NFATC1: variants seen among roughly 807,000 people sequenced by gnomAD.
NFATC1 encodes nuclear factor of activated T-cells, cytoplasmic 1.
NFATC1 carries 22 observed loss-of-function variants against 76.0 expected under a neutral mutation model. That is an observed-to-expected ratio of 0.29 (90% CI 0.21 to 0.41). The LOEUF (loss-of-function observed/expected upper bound fraction) is 0.41. NFATC1 is among the 10% of genes least tolerant of loss of function. The pLI is 1.00. For missense variants in NFATC1, 1,357 were observed against 1,337.7 expected, an observed-to-expected ratio of 1.01 and a Z score of -0.23; for synonymous variants, 704 against 613.1, an observed-to-expected ratio of 1.15 and a Z score of -2.19.
chr18:79,501,860 G>A (rs1014813264), intron 9 of NFATC1, among the ~76,000 whole-genome samples: 55 of 152,152 alleles, frequency 3.6e-4, no homozygotes, highest in African/African-American at 1.1e-3. Flanking sequence ...GGAAAGTTAA[G>A]ATCTAAATAA....
At position 79,486,340 on chromosome 18, in the gene NFATC1, T is replaced by C. The variant is rs752528024; in HGVS notation, c.2185T>C (p.Tyr729His). 6.2e-7 allele frequency: 1 copy of C among 1,612,974 alleles called. No homozygotes were observed. The highest frequency in any genetic ancestry group is 1.3e-5 in the African/African-American group (1 of 74,904). ...SQGLSPLPRP[Y>H]YSQQLAMPPD... is the part of the protein sequence containing the mutation. ...GGGGTTAAGTCCTCTCCCAAGACCA[T>C]ACTACAGCCAGCAGCTCGCGATGCC... Residue 729 changes from tyrosine to histidine, a missense_variant, in exon 9 of 10, where the codon TAC (tyrosine) becomes CAC (histidine). By Grantham distance (83) the Tyr-to-His change is moderately conservative (BLOSUM62 2). Coordinates refer to ENST00000427363, the MANE Select transcript of NFATC1 (RefSeq NM_001278669.2).
At chr18:79,510,140 G>A (rs1017983115) in intron 9 of NFATC1, among the ~76,000 whole-genome samples, 1 of 152,196 alleles carries the variant, frequency 6.6e-6, no homozygotes, top group Admixed American at 6.5e-5. Flanking sequence ...CCCCCCCCAA[G>A]GAGGAAATTC....
intron 3 of NFATC1, among the ~76,000 whole-genome samples, chr18:79,440,902 C>A (rs1256905572): frequency 6.6e-6 from 1 of 152,166 alleles, no homozygotes; most frequent in Admixed American, 6.5e-5. Context: ...CCAGGCCCTG[C>A]CCAGGCCAGA....
intron 2 of NFATC1, among the ~76,000 whole-genome samples, chr18:79,424,914 G>T (rs146271798): frequency 5.1e-4 from 36 of 71,116 alleles, no homozygotes; most frequent in East Asian, 7.2e-4. Flanking sequence ...TTTCTCTGTC[G>T]CTCTGTCTCT....
In NFATC1 at chr18:79,443,042, G is replaced by A. The variant is rs142405133; in HGVS notation, c.1387-5740G>A. Among the ~76,000 whole-genome samples the A allele has an allele frequency of 2.7e-4, 41 of 152,302 alleles. No individual in the cohort carries two copies. In the East Asian group the frequency reaches 5.6e-3, roughly 21 times the overall value. On this transcript the variant is annotated intron_variant, in intron 3 of 9. Transcript: ENST00000427363. ...GACTTATGTTGAAACAGCCCTTCCC[G>A]GTCAGGACTGAGCCTGTGGCTGAGT...
chr18:79,524,397 T>C lies in NFATC1; in HGVS notation c.2783-3131T>C, dbSNP rs1601019163. ...CTCCTCTGCGGTTCGGTTGCTGTGC[T>C]GTCCTCTGCTGAGTGGTGTCAGGGT... On this transcript the variant is annotated intron_variant, in intron 9 of 9. Transcript: ENST00000427363. The surrounding 1 kb of genome is among the most constrained non-coding windows in gnomAD (Gnocchi z 7.2). Among the ~76,000 whole-genome samples, 1 of 152,352 alleles carries C rather than the reference T, an allele frequency of 6.6e-6. No homozygotes were observed. Among genetic ancestry groups the C allele is most frequent in the East Asian group, 1.9e-4 (1 of 5,184 alleles).
chr18:79,512,794 A>G (rs560108505), intron 9 of NFATC1, among the ~76,000 whole-genome samples: 9 of 152,278 alleles, frequency 5.9e-5, no homozygotes, highest in African/African-American at 1.9e-4. Context: ...CAGCCCCTGT[A>G]TGTGTCAGGG....
At chr18:79,484,474 C>T (rs898279533) in intron 8 of NFATC1, among the ~76,000 whole-genome samples, 9 of 152,118 alleles carry the variant, frequency 5.9e-5, no homozygotes, top group Admixed American at 2.0e-4. Flanking sequence ...GTAGGGCGGA[C>T]GCTTTAAACC....
At chr18:79,417,115 ATGGTGGGAGATGGGCTG>A (rs1568934272) in intron 2 of NFATC1, among the ~76,000 whole-genome samples, 6 of 101,646 alleles carry the variant, frequency 5.9e-5, no homozygotes, top group African/African-American at 2.2e-4. Flanking sequence ...GAGATGGGCT[ATGGTGGGAGATGGGCTG>A]TGGCGGGAGA....
At chr18:79,481,053 C>G (rs2089254520) in intron 8 of NFATC1, among the ~76,000 whole-genome samples, 1 of 152,272 alleles carries the variant, frequency 6.6e-6, no homozygotes, top group South Asian at 2.1e-4. Flanking sequence ...ACCGGCGTCT[C>G]ACTCCCACAT....
chr18:79,400,916 T>G (rs1434263202), intron 1 of NFATC1, among the ~76,000 whole-genome samples: 1 of 5,472 alleles, frequency 1.8e-4, no homozygotes, highest in East Asian at 6.8e-3. Flanking sequence ...CTCCCGCCCC[T>G]GCCGCCGCCT....
intron 2 of NFATC1, among the ~76,000 whole-genome samples, chr18:79,426,920 G>C (rs1460504629): frequency 6.6e-6 from 1 of 152,242 alleles, no homozygotes; most frequent in East Asian, 1.9e-4. Context: ...TAACTCTCCA[G>C]ACTCATCAGG....
chr18:79,419,808 G>C (rs1201599751), intron 2 of NFATC1, among the ~76,000 whole-genome samples: 1 of 152,232 alleles, frequency 6.6e-6, no homozygotes, highest in African/African-American at 2.4e-5. Context: ...TCGGCAGCCG[G>C]GCAGCCGCAG....
intron 8 of NFATC1, among the ~76,000 whole-genome samples, chr18:79,485,867 T>C (rs116053107): frequency 7.9e-4 from 121 of 152,372 alleles, no homozygotes; most frequent in African/African-American, 2.8e-3. Flanking sequence ...GTTTACCAAA[T>C]GTGCAGACAT....
rs2085571442 is a variant in NFATC1 at position 79,409,351 on chromosome 18, TCC to T, written c.128-1051_128-1050del. On this transcript the variant is annotated intron_variant, in intron 1 of 9. Coordinates refer to ENST00000427363, the MANE Select transcript of NFATC1 (RefSeq NM_001278669.2). ...ATTCATTCATCCATCCATCCATCCA[TCC>T]ATCATCATTCATCCATCCATCCATC... 4.9e-5 allele frequency among the ~76,000 whole-genome samples: 7 copies of T among 142,542 alleles called. No individual in the cohort carries two copies. The Admixed American group carries it at 5.0e-4, about 10-fold the overall frequency. The allele number at this position is 142,542 out of a possible 152,430, so 93.5% of individuals were successfully genotyped here. A position where few individuals can be genotyped will look rare whatever the true frequency, so the allele number is the denominator to read the frequency against.
At position 79,410,946 on chromosome 18, in the gene NFATC1, G is replaced by A. The variant is rs763901789; in HGVS notation, c.671G>A (p.Gly224Glu). Residue 224 changes from glycine (G) to glutamate (E), a missense_variant, in exon 2 of 10, where the codon GGG (glycine) becomes GAG (glutamate). Around this residue, in one of 3 missense-constraint regions of NFATC1, gnomAD observed 691 missense variants for 613.1 expected, o/e 1.13. Transcript: ENST00000427363. This position sits in a 1 kb window ranked among gnomAD's most constrained non-coding sequence, Gnocchi z 6.7. ...TTDPEEGFPR[G>E]LGACTLLGSP... ...GACCCCGAGGAGGGCTTTCCCCGCG[G>A]GCTGGGGGCCTGCACACTGCTGGGT... is the stretch of plus-strand genomic sequence containing the variant. The A allele has an allele frequency of 6.2e-7, 1 of 1,603,000 alleles. No homozygotes were observed. The highest frequency in any genetic ancestry group is 8.5e-7 in the Non-Finnish European group (1 of 1,175,530).
At chr18:79,474,063 C>CTG (rs2088915095) in intron 8 of NFATC1, among the ~76,000 whole-genome samples, 1 of 136,562 alleles carries the variant, frequency 7.3e-6, no homozygotes, top group African/African-American at 2.9e-5. Context: ...CAACGTAAAC[C>CTG]TGAGGGAAGC....
intron 9 of NFATC1, among the ~76,000 whole-genome samples, chr18:79,520,630 ATGTG>A (rs1237036503): frequency 2.6e-5 from 1 of 38,832 alleles, no homozygotes; most frequent in Non-Finnish European, 4.3e-5. Flanking sequence ...GCATCCACTG[ATGTG>A]TGTGTCTGTG....
At chr18:79,488,084 G>A (rs1029686499) in intron 9 of NFATC1, among the ~76,000 whole-genome samples, 2 of 152,204 alleles carry the variant, frequency 1.3e-5, no homozygotes, top group African/African-American at 4.8e-5. Flanking sequence ...ACCCAGGGGG[G>A]GCAGGGACTC....
Sources: allele counts gnomAD v4.1 joint callset (sites outside exome capture counted in the v4.1 genomes callset), GRCh38; gene constraint gnomAD v4.1.1; regional missense constraint gnomAD v4.1.1; non-coding constraint Gnocchi (gnomAD v3.1); transcripts MANE v1.5; gene names NCBI Gene and HGNC (gene_info 2026-07-23, HGNC 2026-07-21).